Variants in GPC6 observed in about 807,000 individuals in gnomAD.
GPC6 encodes glypican 6.
GPC6 carries 14 observed loss-of-function variants against 55.2 expected under a neutral mutation model. The ratio of observed to expected loss-of-function variants is 0.25; its 90% CI spans 0.17 to 0.40. The LOEUF (loss-of-function observed/expected upper bound fraction) is 0.40, where lower values mean the gene tolerates loss of function less well. GPC6 is among the 10% of genes least tolerant of loss of function. GPC6 has a pLI of 1.00. For synonymous variants in GPC6, 278 were observed against 259.6 expected, an observed-to-expected ratio of 1.07 and a Z score of -0.68; for missense variants, 641 against 708.5, an observed-to-expected ratio of 0.90 and a Z score of 1.08.
chr13:93,237,196 A>T (rs1876266472), intron 1 of GPC6, among the ~76,000 whole-genome samples: 1 of 152,212 alleles, frequency 6.6e-6, no homozygotes. Flanking sequence ...AACAGTATAT[A>T]AGCATTCCCT....
intron 1 of GPC6, among the ~76,000 whole-genome samples, chr13:93,464,262 A>G (rs141862974): frequency 1.1e-4 from 17 of 152,308 alleles, no homozygotes; most frequent in Non-Finnish European, 2.4e-4. Context: ...TGCCTTAAAT[A>G]AGACAACAGT....
rs149909351 is a variant in GPC6, at chr13:94,021,443, A to G, written c.712-6286A>G. Among the ~76,000 whole-genome samples the G allele has an allele frequency of 4.7e-4, 71 of 152,208 alleles. No homozygotes were observed. In the East Asian group the frequency reaches 9.5e-3, roughly 20 times the overall value. ...TAGAGACCTGAAATGAAATATTATTACATGGCTAAGAACATGCTATACCTC... is the reference window on the plus strand; with the variant it reads ...TAGAGACCTGAAATGAAATATTATTGCATGGCTAAGAACATGCTATACCTC... On this transcript the variant is annotated intron_variant, in intron 3 of 8. Coordinates refer to ENST00000377047, the MANE Select transcript of GPC6 (RefSeq NM_005708.5).
intron 6 of GPC6, among the ~76,000 whole-genome samples, chr13:94,340,884 A>G (rs758094849): frequency 6.6e-6 from 1 of 152,258 alleles, no homozygotes; most frequent in Non-Finnish European, 1.5e-5. Flanking sequence ...CCTTGCTAAC[A>G]TTACCAAATC....
At chr13:93,726,717 A>C (rs1257478917) in intron 2 of GPC6, among the ~76,000 whole-genome samples, 1 of 152,018 alleles carries the variant, frequency 6.6e-6, no homozygotes, top group African/African-American at 2.4e-5. Context: ...TTAGCTAAGT[A>C]ATTTCTTTTT....
intron 3 of GPC6, among the ~76,000 whole-genome samples, chr13:93,853,533 T>C (rs1888489201): frequency 6.6e-6 from 1 of 151,614 alleles, no homozygotes; most frequent in South Asian, 2.1e-4. Flanking sequence ...AATTACTATA[T>C]TTTCACTCCT....
At chr13:94,136,627 G>C (rs61595713) in intron 4 of GPC6, among the ~76,000 whole-genome samples, 1 of 151,988 alleles carries the variant, frequency 6.6e-6, no homozygotes, top group Non-Finnish European at 1.5e-5. Context: ...GGAGAATGGC[G>C]TGAACCCGGG....
intron 6 of GPC6, among the ~76,000 whole-genome samples, chr13:94,356,691 G>C (rs1878812315): frequency 6.6e-6 from 1 of 152,174 alleles, no homozygotes; most frequent in Non-Finnish European, 1.5e-5. Flanking sequence ...TGAGCTGGCA[G>C]GGAGCACGTG....
chr13:93,820,968 C>T (rs1046454895), intron 2 of GPC6, among the ~76,000 whole-genome samples: 15 of 152,226 alleles, frequency 9.9e-5, no homozygotes, highest in South Asian at 4.1e-4. Context: ...TTTTATTCTA[C>T]TGTTTATGAG....
chr13:93,797,373 A>G (rs1302034983), intron 2 of GPC6, among the ~76,000 whole-genome samples: 2 of 152,170 alleles, frequency 1.3e-5, no homozygotes, highest in South Asian at 2.1e-4. Flanking sequence ...GAGAACAGAT[A>G]TTTTATCTAG....
At chr13:93,842,219 A>G (rs997828673) in intron 3 of GPC6, among the ~76,000 whole-genome samples, 1 of 152,128 alleles carries the variant, frequency 6.6e-6, no homozygotes, top group Non-Finnish European at 1.5e-5. Flanking sequence ...TGTTCTTTTC[A>G]TCTTAGAATT....
intron 4 of GPC6, among the ~76,000 whole-genome samples, chr13:94,153,201 C>G (rs1426481624): frequency 6.6e-6 from 1 of 152,098 alleles, no homozygotes; most frequent in East Asian, 1.9e-4. Flanking sequence ...GCCCCCACTT[C>G]TTCCATTAAT....
At chr13:94,049,335 A>G (rs1883852183) in intron 4 of GPC6, among the ~76,000 whole-genome samples, 1 of 151,542 alleles carries the variant, frequency 6.6e-6, no homozygotes, top group Admixed American at 6.6e-5. Flanking sequence ...AGTGTTCTCC[A>G]CATCAGGGAC....
chr13:93,718,992 A>G (rs993774953), intron 2 of GPC6, among the ~76,000 whole-genome samples: 2 of 151,894 alleles, frequency 1.3e-5, no homozygotes, highest in African/African-American at 4.8e-5. Context: ...GTAACCTTGT[A>G]TTATAGTTTG....
At chr13:93,288,820 A>G (rs972853300) in intron 1 of GPC6, among the ~76,000 whole-genome samples, 1 of 152,242 alleles carries the variant, frequency 6.6e-6, no homozygotes, top group African/African-American at 2.4e-5. Flanking sequence ...ATAAATACTT[A>G]GCCCACTAAG....
At chr13:93,340,565 G>GA (rs1356236611) in intron 1 of GPC6, among the ~76,000 whole-genome samples, 1 of 152,166 alleles carries the variant, frequency 6.6e-6, no homozygotes, top group African/African-American at 2.4e-5. Flanking sequence ...ATGGGATGAG[G>GA]AGGCAGCCAT....
At chr13:93,970,735 T>C (rs1880248885) in intron 3 of GPC6, among the ~76,000 whole-genome samples, 1 of 152,188 alleles carries the variant, frequency 6.6e-6, no homozygotes, top group South Asian at 2.1e-4. Context: ...GACAACCTGA[T>C]CTTAGGATGA....
intron 1 of GPC6, among the ~76,000 whole-genome samples, chr13:93,304,102 G>A (rs1878774976): frequency 6.6e-6 from 1 of 152,008 alleles, no homozygotes; most frequent in Non-Finnish European, 1.5e-5. Flanking sequence ...TCCTGACCTT[G>A]TGATCCGCCT....
intron 2 of GPC6, among the ~76,000 whole-genome samples, chr13:93,687,693 A>T (rs1223535400): frequency 6.6e-6 from 1 of 152,090 alleles, no homozygotes; most frequent in Admixed American, 6.6e-5. Context: ...AATAAGTGCT[A>T]ACATATTAAT....
At chr13:94,262,072 C>T (rs1891672712) in intron 4 of GPC6, among the ~76,000 whole-genome samples, 1 of 152,140 alleles carries the variant, frequency 6.6e-6, no homozygotes, top group South Asian at 2.1e-4. Context: ...GCAAAGAAGT[C>T]TTGGGAGGCA....
Sources: allele counts gnomAD v4.1 joint callset (sites outside exome capture counted in the v4.1 genomes callset), GRCh38; gene constraint gnomAD v4.1.1; transcripts MANE v1.5; gene names NCBI Gene and HGNC (gene_info 2026-07-23, HGNC 2026-07-21).